VEPH1: variants seen among roughly 807,000 people sequenced by gnomAD.
VEPH1 encodes ventricular zone expressed PH domain containing 1, also known as ventricular zone-expressed PH domain-containing protein homolog 1.
In VEPH1, 80 loss-of-function variants were observed where a neutral mutation model predicts 85.2. That is an observed-to-expected ratio of 0.94 (90% CI 0.78 to 1.13). The LOEUF (loss-of-function observed/expected upper bound fraction) is 1.13. Among genes scored for constraint, VEPH1 ranks in the 50% most tolerant of loss-of-function variants. The probability of loss-of-function intolerance (pLI) is 0.00; values close to 1 mark genes in which losing one functional copy is unlikely to be tolerated. For missense variants in VEPH1, 955 were observed against 980.5 expected (o/e 0.97, Z 0.35); for synonymous variants, 297 against 348.0 (o/e 0.85, Z 1.63).
intron 1 of VEPH1, among the ~76,000 whole-genome samples, chr3:157,500,564 A>C (rs1387669604): frequency 6.6e-6 from 1 of 152,250 alleles, no homozygotes; most frequent in Non-Finnish European, 1.5e-5. Context: ...ATAAAAATCA[A>C]GAATCCAGTC....
rs190141550 is a variant in VEPH1 at position 157,397,094 on chromosome 3, A to T, written c.907-15718T>A. Among the ~76,000 whole-genome samples, 10 of 152,254 alleles carry T rather than the reference A, an allele frequency of 6.6e-5. 1 individual carries two copies. The East Asian group carries it at 1.9e-3, about 29-fold the overall frequency. On this transcript the variant is annotated intron_variant, in intron 6 of 13. Coordinates refer to ENST00000362010, the MANE Select transcript of VEPH1 (RefSeq NM_001167912.2). Reference sequence around the variant, plus strand: ...GGTTTTACATTTAAGTCTTTAATCCATCTTGAGTTAATTTTTGTATAAGGA... The same window carrying T: ...GGTTTTACATTTAAGTCTTTAATCCTTCTTGAGTTAATTTTTGTATAAGGA...
At chr3:157,329,286 C>T (rs1319953552) in intron 9 of VEPH1, among the ~76,000 whole-genome samples, 2 of 152,162 alleles carry the variant, frequency 1.3e-5, no homozygotes, top group Non-Finnish European at 2.9e-5. Context: ...GTGATTGACC[C>T]ATCAAATCCC....
chr3:157,369,460 C>T (rs1727237113), intron 7 of VEPH1, among the ~76,000 whole-genome samples: 1 of 152,214 alleles, frequency 6.6e-6, no homozygotes, highest in Admixed American at 6.5e-5. Flanking sequence ...TTCTCTTCTG[C>T]ACAATCTCCC....
chr3:157,278,202 A>G (rs1207221666), intron 12 of VEPH1, among the ~76,000 whole-genome samples: 1 of 152,230 alleles, frequency 6.6e-6, no homozygotes, highest in Non-Finnish European at 1.5e-5. Context: ...TGAGGACCTC[A>G]GTATGCATCG....
intron 9 of VEPH1, among the ~76,000 whole-genome samples, chr3:157,322,900 CT>C (rs1028403252): frequency 3.9e-5 from 6 of 152,032 alleles, no homozygotes; most frequent in African/African-American, 1.4e-4. Flanking sequence ...GAAAATGGAA[CT>C]GGTAATTTGT....
chr3:157,357,627 G>C (rs756044601), intron 9 of VEPH1, among the ~76,000 whole-genome samples: 29 of 152,060 alleles, frequency 1.9e-4, no homozygotes, highest in Non-Finnish European at 1.9e-4. Flanking sequence ...TGAGTAGCTG[G>C]GACTGCAGGC....
intron 7 of VEPH1, among the ~76,000 whole-genome samples, chr3:157,377,986 T>C (rs183050699): frequency 2.6e-5 from 4 of 152,086 alleles, no homozygotes; most frequent in Admixed American, 2.0e-4. Context: ...CTTGTGTCCA[T>C]AGGGAAAATA....
chr3:157,454,174 C>A (rs1735189861), intron 4 of VEPH1, among the ~76,000 whole-genome samples: 1 of 151,574 alleles, frequency 6.6e-6, no homozygotes, highest in African/African-American at 2.4e-5. Context: ...AAAATGTAGC[C>A]AAGGTGTTGA....
rs1727181909 is a variant in VEPH1 at position 157,369,193 on chromosome 3, A to AAAAAAAAAC, written c.1128-4682_1128-4681insGTTTTTTTT. On this transcript the variant is annotated intron_variant, in intron 7 of 13. Transcript: ENST00000362010. Reference sequence around the variant, plus strand: ...CAAAAACCAAATGAAAAAAAAAAAAAAAAAAAAAAAACCTCCTGAGGTCTA... The same window carrying AAAAAAAAAC: ...CAAAAACCAAATGAAAAAAAAAAAAAAAAAAAAACAAAAAAAAAAACCTCCTGAGGTCTA... Among the ~76,000 whole-genome samples the AAAAAAAAAC allele has an allele frequency of 5.0e-5, 7 of 140,632 alleles. No homozygotes were observed. In the East Asian group the frequency reaches 1.3e-3, roughly 26 times the overall value. The allele number at this position is 140,632 out of a possible 152,430, so 92.3% of individuals were successfully genotyped here.
intron 2 of VEPH1, among the ~76,000 whole-genome samples, chr3:157,492,113 C>G (rs1450299875): frequency 6.6e-6 from 1 of 152,106 alleles, no homozygotes; most frequent in Non-Finnish European, 1.5e-5. Flanking sequence ...TTAGCCAGTA[C>G]AGGCCTAAAC....
intron 2 of VEPH1, among the ~76,000 whole-genome samples, chr3:157,492,039 A>G (rs1739254440): frequency 6.6e-6 from 1 of 152,126 alleles, no homozygotes; most frequent in South Asian, 2.1e-4. Context: ...GCCTTCTCTA[A>G]CAATGCAGAA....
intron 9 of VEPH1, among the ~76,000 whole-genome samples, chr3:157,356,132 C>T (rs2108740703): frequency 1.3e-5 from 2 of 152,176 alleles, no homozygotes; most frequent in South Asian, 4.2e-4. Flanking sequence ...CTCCTGGGCT[C>T]AAGCAACTCA....
intron 11 of VEPH1, among the ~76,000 whole-genome samples, chr3:157,296,038 T>C (rs1242366956): frequency 6.6e-6 from 1 of 152,216 alleles, no homozygotes; most frequent in Admixed American, 6.5e-5. Context: ...GAGCTAGCTC[T>C]ACATGTATGA....
At chr3:157,370,140 A>G (rs1727324022) in intron 7 of VEPH1, among the ~76,000 whole-genome samples, 1 of 152,214 alleles carries the variant, frequency 6.6e-6, no homozygotes. Context: ...CAAAGTTTTT[A>G]AAAGTACATC....
intron 1 of VEPH1, among the ~76,000 whole-genome samples, chr3:157,497,337 C>A (rs544428256): frequency 7.2e-5 from 11 of 152,102 alleles, no homozygotes; most frequent in Non-Finnish European, 1.6e-4. Context: ...CAGGAGAAGA[C>A]GCTTGGAGGA....
chr3:157,381,924 T>C (rs1728828607), intron 6 of VEPH1, among the ~76,000 whole-genome samples: 1 of 152,112 alleles, frequency 6.6e-6, no homozygotes, highest in South Asian at 2.1e-4. Flanking sequence ...CATTAACCTA[T>C]CTTTCCAGGT....
intron 2 of VEPH1, among the ~76,000 whole-genome samples, chr3:157,476,718 G>T (rs1737507948): frequency 6.6e-6 from 1 of 152,210 alleles, no homozygotes; most frequent in Non-Finnish European, 1.5e-5. Context: ...GTCACCTCAG[G>T]TTCTTTGTGT....
At chr3:157,314,359 A>G in intron 10 of VEPH1, among the ~76,000 whole-genome samples, 1 of 146,098 alleles carries the variant, frequency 6.8e-6, no homozygotes, top group East Asian at 2.0e-4. Flanking sequence ...AAAAAAAAAA[A>G]AAAATTAAAC....
chr3:157,278,150 G>T (rs929522256), intron 12 of VEPH1, among the ~76,000 whole-genome samples: 2 of 152,192 alleles, frequency 1.3e-5, no homozygotes, highest in Non-Finnish European at 2.9e-5. Context: ...GAACAAGACA[G>T]CAGCTGTAAC....
Sources: gnomAD v4.1 joint callset for allele counts (sites outside exome capture counted in the v4.1 genomes callset) on GRCh38, gnomAD v4.1.1 for gene constraint, MANE v1.5 for transcripts, NCBI Gene and HGNC (gene_info 2026-07-23, HGNC 2026-07-21) for gene names.